Variants in LMO3 observed in about 807,000 individuals in gnomAD.
LMO3 encodes the protein LIM domain only 3.
A neutral mutation model predicts 15.8 loss-of-function variants in LMO3; 2 were observed. The observed-to-expected ratio is 0.13, with a 90% CI of 0.05 to 0.40. The LOEUF (loss-of-function observed/expected upper bound fraction) is 0.40. LMO3 is among the 10% of genes least tolerant of loss of function. The pLI, the probability that LMO3 is intolerant of heterozygous loss-of-function variation, is 0.99. For synonymous variants in LMO3, 62 were observed against 63.8 expected, an observed-to-expected ratio of 0.97 and a Z score of 0.13; for missense variants, 86 against 182.2, an observed-to-expected ratio of 0.47 and a Z score of 3.04.
At chr12:16,590,279 G>A (rs1943449597) in intron 2 of LMO3, among the ~76,000 whole-genome samples, 1 of 151,942 alleles carries the variant, frequency 6.6e-6, no homozygotes, top group African/African-American at 2.4e-5. Flanking sequence ...TTAGGTTAGT[G>A]GTGAGAAATA....
At position 16,555,537 on chromosome 12, in the gene LMO3, C is replaced by T. The variant is rs1942161104; in HGVS notation, c.333-4210G>A. On this transcript the variant is annotated intron_variant, in intron 3 of 3. Transcript: ENST00000537304. This position sits in a 1 kb window ranked among gnomAD's most constrained non-coding sequence, Gnocchi z 5.5. ...AAAATTGGTTAAGGTAGATTTATTC[C>T]AGAAACCAACAGCTTTAAATAACAA... Among the ~76,000 whole-genome samples, 1 of 152,204 alleles carries T rather than the reference C, an allele frequency of 6.6e-6. No homozygotes were observed. Among genetic ancestry groups the T allele is most frequent in the South Asian group, 2.1e-4 (1 of 4,826 alleles).
intron 3 of LMO3, among the ~76,000 whole-genome samples, chr12:16,558,818 C>G (rs1319065057): frequency 6.6e-6 from 1 of 152,080 alleles, no homozygotes; most frequent in African/African-American, 2.4e-5. Context: ...ATAAAGATAA[C>G]TAACTTTTGA....
intron 2 of LMO3, among the ~76,000 whole-genome samples, chr12:16,583,629 T>A (rs1025912256): frequency 6.6e-6 from 1 of 152,188 alleles, no homozygotes; most frequent in African/African-American, 2.4e-5. Flanking sequence ...CTGATTTATA[T>A]CAAACCTGAT....
rs541652525 is a variant in LMO3 at position 16,570,051 on chromosome 12, A to T, written c.207-9513T>A. ...TTAGATACTACACATCTCTCCCTTGATATAGCTCAGGAAGCTGCTAGTTTC... is the reference window on the plus strand; with the variant it reads ...TTAGATACTACACATCTCTCCCTTGTTATAGCTCAGGAAGCTGCTAGTTTC... On this transcript the variant is annotated intron_variant, in intron 2 of 3. Transcript: ENST00000537304. Among the ~76,000 whole-genome samples the T allele has an allele frequency of 3.9e-5, 6 of 152,292 alleles. No homozygotes were observed. The East Asian group carries it at 1.2e-3, about 29-fold the overall frequency.
rs564496199 is a variant in LMO3, at chr12:16,589,596, C to T, written c.206+11059G>A. On this transcript the variant is annotated intron_variant, in intron 2 of 3. Coordinates refer to ENST00000537304, the MANE Select transcript of LMO3 (RefSeq NM_018640.5). This position sits in a 1 kb window ranked among gnomAD's most constrained non-coding sequence, Gnocchi z 4.2. ...AACATATTTAATCAAATAAGCACAT[C>T]ATCTCTATTATAAAGACAGTGGTTT... 2 of 152,170 alleles carry T rather than the reference C, an allele frequency of 1.3e-5. No individual in the cohort carries two copies. The highest frequency in any genetic ancestry group is 4.8e-5 in the African/African-American group (2 of 41,540). 9.4% of individuals were successfully genotyped at this position (152,170 alleles called of 1,614,324 possible). A position where few individuals can be genotyped will look rare whatever the true frequency, so the allele number is the denominator to read the frequency against.
intron 1 of LMO3, among the ~76,000 whole-genome samples, chr12:16,602,459 G>A (rs185051651): frequency 1.2e-4 from 18 of 152,332 alleles, no homozygotes; most frequent in South Asian, 8.3e-4. Flanking sequence ...AAAATAACTC[G>A]TCTGGTAGAG....
chr12:16,579,136 G>T (rs1482524327), intron 2 of LMO3, among the ~76,000 whole-genome samples: 5 of 151,366 alleles, frequency 3.3e-5, no homozygotes, highest in African/African-American at 7.3e-5. Flanking sequence ...ATTTTTTTTT[G>T]AAGAGAACAA....
At position 16,593,589 on chromosome 12, in the gene LMO3, A is replaced by G. The variant is rs1943558748; in HGVS notation, c.206+7066T>C. 6.6e-6 allele frequency among the ~76,000 whole-genome samples: 1 copy of G among 151,816 alleles called. No individual in the cohort carries two copies. Among genetic ancestry groups the G allele is most frequent in the Admixed American group, 6.6e-5 (1 of 15,208 alleles). On this transcript the variant is annotated intron_variant, in intron 2 of 3. Coordinates refer to ENST00000537304, the MANE Select transcript of LMO3 (RefSeq NM_018640.5). This position sits in a 1 kb window ranked among gnomAD's most constrained non-coding sequence, Gnocchi z 4.2. ...AGGTTTATCAAGAAGATTTCATAAT[A>G]CAGCACAGAAGCAAAAAATGGCACA...
Position 16,582,313 on chromosome 12 carries a change from C to G in LMO3, c.206+18342G>C, listed in dbSNP as rs1159785246. 6.6e-6 allele frequency among the ~76,000 whole-genome samples: 1 copy of G among 152,100 alleles called. No individual in the cohort carries two copies. The highest frequency in any genetic ancestry group is 1.5e-5 in the Non-Finnish European group (1 of 68,014). Reference sequence around the variant, plus strand: ...TGTCCTGGTGTTCATTCTCTGAATTCTAGAAAACATCTTACCTGTTCCTAT... The same window carrying G: ...TGTCCTGGTGTTCATTCTCTGAATTGTAGAAAACATCTTACCTGTTCCTAT... On this transcript the variant is annotated intron_variant, in intron 2 of 3. Transcript: ENST00000537304. The surrounding 1 kb of genome is among the most constrained non-coding windows in gnomAD (Gnocchi z 4.1).
At chr12:16,583,046 C>CAAAA (rs55665813) in intron 2 of LMO3, among the ~76,000 whole-genome samples, 3 of 126,700 alleles carry the variant, frequency 2.4e-5, no homozygotes, top group African/African-American at 3.0e-5. Context: ...GACTCCGCCT[C>CAAAA]AAAAAAAAAA....
rs1427603098 is a variant in LMO3 at position 16,582,589 on chromosome 12, T to C, written c.206+18066A>G. 6.6e-6 allele frequency among the ~76,000 whole-genome samples: 1 copy of C among 152,178 alleles called. No individual in the cohort carries two copies. The highest frequency in any genetic ancestry group is 2.4e-5 in the African/African-American group (1 of 41,446). On this transcript the variant is annotated intron_variant, in intron 2 of 3. Coordinates refer to ENST00000537304, the MANE Select transcript of LMO3 (RefSeq NM_018640.5). This position sits in a 1 kb window ranked among gnomAD's most constrained non-coding sequence, Gnocchi z 4.1. ...ATTGCTTAAGCTTGTTGGAGAGTAA[T>C]GGGCTACGGGTAGAGATTGAGCCAT...
Position 16,552,979 on chromosome 12 carries a change from G to A in LMO3, c.333-1652C>T, listed in dbSNP as rs141866149. ...TATGATAATTGAAAATAAAACTTTGGTTTTTAATACCTGTGACATCAGTCG... is the reference window on the plus strand; with the variant it reads ...TATGATAATTGAAAATAAAACTTTGATTTTTAATACCTGTGACATCAGTCG... On this transcript the variant is annotated intron_variant, in intron 3 of 3. Transcript: ENST00000537304. 3.3e-5 allele frequency among the ~76,000 whole-genome samples: 5 copies of A among 152,146 alleles called. No homozygotes were observed. The East Asian group carries it at 9.6e-4, about 29-fold the overall frequency.
At chr12:16,562,673 G>T (rs1263229649) in intron 2 of LMO3, among the ~76,000 whole-genome samples, 1 of 152,170 alleles carries the variant, frequency 6.6e-6, no homozygotes, top group African/African-American at 2.4e-5. Context: ...GTAATGCATG[G>T]CCAGCCCTGA....
intron 2 of LMO3, among the ~76,000 whole-genome samples, chr12:16,577,965 G>T (rs1162451973): frequency 1.3e-5 from 2 of 152,056 alleles, no homozygotes; most frequent in Non-Finnish European, 1.5e-5. Context: ...GTTTACCTGG[G>T]TATCCTGTAT....
intron 3 of LMO3, among the ~76,000 whole-genome samples, chr12:16,552,409 T>G (rs375764379): frequency 3.3e-5 from 5 of 152,032 alleles, no homozygotes; most frequent in African/African-American, 1.2e-4. Context: ...TAGATTAAAT[T>G]GTGTAGTGAA....
rs1358580618 is a variant in LMO3, at chr12:16,589,076, G to A, written c.206+11579C>T. On this transcript the variant is annotated intron_variant, in intron 2 of 3. Transcript: ENST00000537304. This position sits in a 1 kb window ranked among gnomAD's most constrained non-coding sequence, Gnocchi z 4.2. ...TGGGGTGTAGCAGAAGGGGGTCGACGTCAGGTCTGGATACCTCACCGTGAT... is the reference window on the plus strand; with the variant it reads ...TGGGGTGTAGCAGAAGGGGGTCGACATCAGGTCTGGATACCTCACCGTGAT... 6.6e-6 allele frequency among the ~76,000 whole-genome samples: 1 copy of A among 151,990 alleles called. No homozygotes were observed. The highest frequency in any genetic ancestry group is 2.4e-5 in the African/African-American group (1 of 41,366).
In LMO3 at chr12:16,560,286, G is replaced by A; in HGVS notation, c.332+127C>T. 9.4e-7 allele frequency: 1 copy of A among 1,064,998 alleles called. No individual in the cohort carries two copies. The highest frequency in any genetic ancestry group is 2.6e-5 in the Admixed American group (1 of 38,976). The allele number at this position is 1,064,998 out of a possible 1,614,324, so 66.0% of individuals were successfully genotyped here. A position where few individuals can be genotyped will look rare whatever the true frequency, so the allele number is the denominator to read the frequency against. The stretch of plus-strand genomic sequence containing the variant: ...AGCTTGTCTCTGGCATGGGATTAAA[G>A]TTTACAGAACAGAAAAACGCTGAGA... On this transcript the variant is annotated intron_variant, in intron 3 of 3. Coordinates refer to ENST00000537304, the MANE Select transcript of LMO3 (RefSeq NM_018640.5). This position sits in a 1 kb window ranked among gnomAD's most constrained non-coding sequence, Gnocchi z 5.0.
In LMO3 at chr12:16,582,302, T is replaced by G. The variant is rs1943186383; in HGVS notation, c.206+18353A>C. On this transcript the variant is annotated intron_variant, in intron 2 of 3. Transcript: ENST00000537304. This position sits in a 1 kb window ranked among gnomAD's most constrained non-coding sequence, Gnocchi z 4.1. ...AGATTGAGATATGTCCTGGTGTTCATTCTCTGAATTCTAGAAAACATCTTA... is the reference window on the plus strand; with the variant it reads ...AGATTGAGATATGTCCTGGTGTTCAGTCTCTGAATTCTAGAAAACATCTTA... Among the ~76,000 whole-genome samples, 5 of 152,224 alleles carry G rather than the reference T, an allele frequency of 3.3e-5. No individual in the cohort carries two copies.
At chr12:16,551,593 CT>C (rs1292960664) in intron 3 of LMO3, among the ~76,000 whole-genome samples, 376 of 135,658 alleles carry the variant, frequency 2.8e-3, no homozygotes, top group Middle Eastern at 3.9e-3. Flanking sequence ...AGATGACTTG[CT>C]TTTTTTTTTT....
Sources: gnomAD v4.1 joint callset for allele counts (sites outside exome capture counted in the v4.1 genomes callset) on GRCh38, gnomAD v4.1.1 for gene constraint, Gnocchi (gnomAD v3.1) non-coding constraint, MANE v1.5 for transcripts, NCBI Gene and HGNC (gene_info 2026-07-23, HGNC 2026-07-21) for gene names.